Variants in C6orf118 observed in about 807,000 individuals in gnomAD.
The protein encoded by C6orf118 is uncharacterized protein C6orf118.
C6orf118 carries 50 observed loss-of-function variants against 50.2 expected under a neutral mutation model. That is an observed-to-expected ratio of 1.00 (90% confidence interval 0.79 to 1.26). The LOEUF (loss-of-function observed/expected upper bound fraction) is 1.26. C6orf118 is among the 50% of genes most tolerant of loss of function. The pLI is 0.00. For missense variants in C6orf118, 641 were observed against 578.7 expected (o/e 1.11, Z -1.10); for synonymous variants, 239 against 230.9 (o/e 1.03, Z -0.32).
At chr6:165,298,404 C>G (rs1459546488) in intron 4 of C6orf118, among the ~76,000 whole-genome samples, 1 of 152,152 alleles carries the variant, frequency 6.6e-6, no homozygotes, top group Non-Finnish European at 1.5e-5. Context: ...TGGATAAAGT[C>G]CTGGAGGCAC....
intron 8 of C6orf118, among the ~76,000 whole-genome samples, chr6:165,280,323 T>C (rs1384163934): frequency 1.8e-4 from 27 of 152,216 alleles, no homozygotes; most frequent in Admixed American, 1.8e-3. Flanking sequence ...GATTCCCCTG[T>C]AGCATATAGT....
chr6:165,309,574 G>C lies in C6orf118; in HGVS notation c.13C>G (p.Arg5Gly), dbSNP rs200159427. 5.0e-6 allele frequency: 8 copies of C among 1,614,048 alleles called. No individual in the cohort carries two copies. In the East Asian group the frequency reaches 1.1e-4, roughly 22 times the overall value. MAEE[R>G]EPELYLKWKH... ...CCAGGCCACTTACATTCAGGCTCCC[G>C]CTCCTCCGCCATCGCTTCCTTCCCT... is the stretch of plus-strand genomic sequence containing the variant. Residue 5 changes from arginine (R) to glycine (G), a missense_variant, in exon 1 of 9, where the codon CGG becomes GGG. Physicochemically the swap from Arg to Gly is moderately radical, Grantham distance 125. Transcript: ENST00000230301.
rs552043736 is a variant in C6orf118, at chr6:165,281,332, C to T, written c.1356+308G>A. 1.8e-5 allele frequency: 4 copies of T among 224,354 alleles called. No homozygotes were observed. In the South Asian group the frequency reaches 3.2e-4, roughly 18 times the overall value. The allele number at this position is 224,354 out of a possible 1,614,324, so 13.9% of individuals were successfully genotyped here. On this transcript the variant is annotated intron_variant, in intron 8 of 8. Coordinates refer to ENST00000230301, the MANE Select transcript of C6orf118 (RefSeq NM_144980.4). ...ATCTTAGACTGAGCATTCCAAAGCA[C>T]AGAAAAGAATGCAACATGTGTATTT... is the stretch of plus-strand genomic sequence containing the variant.
At position 165,289,941 on chromosome 6, in the gene C6orf118, G is replaced by T; in HGVS notation, c.1247C>A (p.Thr416Asn). ...IQALEKEIKT[T>N]LVHTGISDIT... ...ATCTGAAATTCCAGTATGAACCAAA[G>T]TTGTTTTAATTTCTTTTTCCAGAGC... is the stretch of plus-strand genomic sequence containing the variant. The change falls in exon 7 of 9, where the codon ACT becomes AAT. Residue 416 changes from threonine (T) to asparagine (N), a missense_variant. Transcript: ENST00000230301. 6.2e-7 allele frequency: 1 copy of T among 1,610,518 alleles called. No individual in the cohort carries two copies. Among genetic ancestry groups the T allele is most frequent in the South Asian group, 1.1e-5 (1 of 90,482 alleles).
intron 1 of C6orf118, 74 bp downstream of exon 1, chr6:165,309,488 C>G: frequency 6.4e-7 from 1 of 1,558,090 alleles, no homozygotes; most frequent in East Asian, 2.2e-5. Flanking sequence ...AATCAGTCTT[C>G]AGAAGCCCAT....
intron 6 of C6orf118, among the ~76,000 whole-genome samples, chr6:165,291,151 T>C (rs1780091532): frequency 1.3e-5 from 2 of 152,076 alleles, no homozygotes; most frequent in South Asian, 4.1e-4. Context: ...AGATGAGATT[T>C]GGGTGGGGAC....
chr6:165,301,593 C>G lies in C6orf118; in HGVS notation c.729G>C (p.Ala243=), dbSNP rs140043172. 5.6e-5 allele frequency: 91 copies of G among 1,613,128 alleles called. No individual in the cohort carries two copies. Among genetic ancestry groups the G allele is most frequent in the Non-Finnish European group, 7.5e-5 (89 of 1,179,622 alleles). The stretch of plus-strand genomic sequence containing the variant: ...CCTGCTGCAGCTTTCTCTCGTGGCC[C>G]GCGGCCGCCTTGCTCCCAGTGAAGT... The part of the protein sequence containing the change: ...KNDFTGSKAA[A]GHERKLQQEL... Residue 243 remains alanine (A), a synonymous_variant, in exon 2 of 9, where the codon GCG becomes GCC. Transcript: ENST00000230301.
chr6:165,301,783 G>A lies in C6orf118; in HGVS notation c.539C>T (p.Pro180Leu). 6.2e-7 allele frequency: 1 copy of A among 1,614,020 alleles called. No individual in the cohort carries two copies. Among genetic ancestry groups the A allele is most frequent in the African/African-American group, 1.3e-5 (1 of 75,040 alleles). Residue 180 changes from proline (P) to leucine (L), a missense_variant, in exon 2 of 9, where the codon CCC (proline) becomes CTC (leucine). Coordinates refer to ENST00000230301, the MANE Select transcript of C6orf118 (RefSeq NM_144980.4). ...GWRRREELRL[P>L]DLKVLCYQEA... ...CTGGTAGCACAGCACCTTCAAGTCG[G>A]GCAGCCGGAGTTCTTCCCTCCTGCG...
chr6:165,308,650 T>C (rs766292698), intron 1 of C6orf118, among the ~76,000 whole-genome samples: 32 of 152,126 alleles, frequency 2.1e-4, no homozygotes, highest in Non-Finnish European at 3.2e-4. Flanking sequence ...AGACCCCTTT[T>C]TAAAATGACT....
intron 7 of C6orf118, among the ~76,000 whole-genome samples, chr6:165,282,665 G>A: frequency 2.0e-5 from 1 of 50,526 alleles, no homozygotes; most frequent in African/African-American, 5.4e-5. Context: ...TTTTTTTCCT[G>A]GTTGGAAATA....
chr6:165,301,306 G>A (rs141344108), intron 2 of C6orf118, among the ~76,000 whole-genome samples: 5 of 151,506 alleles, frequency 3.3e-5, no homozygotes, highest in Non-Finnish European at 4.4e-5. Flanking sequence ...GCACTGCACC[G>A]AGAACACTGC....
chr6:165,309,449 A>C, intron 1 of C6orf118, 113 bp downstream of exon 1: 1 of 1,299,776 alleles, frequency 7.7e-7, no homozygotes, highest in Non-Finnish European at 1.1e-6. Context: ...GCCGGCGTGC[A>C]GCCACCAGAA....
intron 1 of C6orf118, among the ~76,000 whole-genome samples, chr6:165,307,787 C>A (rs1583032532): frequency 6.6e-6 from 1 of 152,326 alleles, no homozygotes; most frequent in East Asian, 1.9e-4. Context: ...AGGCTCTCTG[C>A]TGGAGGAGAG....
chr6:165,302,332 C>T, intron 1 of C6orf118, 36 bp from the exon 2 acceptor site: 3 of 1,589,374 alleles, frequency 1.9e-6, no homozygotes, highest in Middle Eastern at 2.2e-4. Context: ...TTAGGGATCG[C>T]TCTTAGTTCC....
chr6:165,308,701 C>T (rs1191695670), intron 1 of C6orf118, among the ~76,000 whole-genome samples: 1 of 152,148 alleles, frequency 6.6e-6, no homozygotes, highest in East Asian at 1.9e-4. Context: ...CATGCTGATT[C>T]AATCCCCACA....
chr6:165,299,550 C>T, intron 3 of C6orf118, 48 bp from the exon 4 acceptor site: 1 of 1,434,108 alleles, frequency 7.0e-7, no homozygotes, highest in Non-Finnish European at 9.8e-7. Context: ...GAGGAGGCCA[C>T]AGTGCAGGTG....
chr6:165,281,803 C>G (rs1779739954), intron 7 of C6orf118, 110 bp from the exon 8 acceptor site: 1 of 571,102 alleles, frequency 1.8e-6, no homozygotes, highest in Non-Finnish European at 2.9e-6. Flanking sequence ...CAAGAGTACT[C>G]AATAGCACAT....
At chr6:165,307,218 C>A (rs969515124) in intron 1 of C6orf118, among the ~76,000 whole-genome samples, 3 of 144,910 alleles carry the variant, frequency 2.1e-5, no homozygotes, top group African/African-American at 5.2e-5. Flanking sequence ...CCACCCCCCC[C>A]ACCCCACCAA....
rs771252987 is a variant in C6orf118, at chr6:165,297,970, G to A, written c.1061+7C>T. On this transcript the variant is annotated splice_region_variant and intron_variant, in intron 5 of 8. Coordinates refer to ENST00000230301, the MANE Select transcript of C6orf118 (RefSeq NM_144980.4). ...AACATAGATCAGATCCGTCCCTCATGCCTCACCTATCATTCTGCTCCAGGG... is the reference window on the plus strand; with the variant it reads ...AACATAGATCAGATCCGTCCCTCATACCTCACCTATCATTCTGCTCCAGGG... The A allele has an allele frequency of 6.2e-7, 1 of 1,613,686 alleles. No individual in the cohort carries two copies. Among genetic ancestry groups the A allele is most frequent in the East Asian group, 2.2e-5 (1 of 44,874 alleles).
Sources: allele counts gnomAD v4.1 joint callset (sites outside exome capture counted in the v4.1 genomes callset), GRCh38; gene constraint gnomAD v4.1.1; transcripts MANE v1.5; gene names NCBI Gene and HGNC (gene_info 2026-07-23, HGNC 2026-07-21).